DNER: variants seen among roughly 807,000 people sequenced by gnomAD.
The protein encoded by DNER is delta and Notch-like epidermal growth factor-related receptor.
DNER carries 33 observed loss-of-function variants against 78.2 expected under a neutral mutation model. The ratio of observed to expected loss-of-function variants is 0.42; its 90% confidence interval spans 0.32 to 0.56. DNER has a LOEUF of 0.56. DNER is among the 20% of genes least tolerant of loss of function. The pLI is 0.11. For synonymous variants in DNER, 417 were observed against 384.8 expected, an observed-to-expected ratio of 1.08 and a Z score of -0.98; for missense variants, 918 against 975.3, an observed-to-expected ratio of 0.94 and a Z score of 0.78.
chr2:229,700,394 G>T lies in DNER; in HGVS notation c.276+13754C>A, dbSNP rs535883241. On this transcript the variant is annotated intron_variant, in intron 1 of 12. Coordinates refer to ENST00000341772, the MANE Select transcript of DNER (RefSeq NM_139072.4). ...TCTGTCATCCAGGCTGGAGTGCAGT[G>T]GTGTGATCTCGGCTCACTGCAACCT... Among the ~76,000 whole-genome samples, 100 of 150,196 alleles carry T rather than the reference G, an allele frequency of 6.7e-4. 1 individual carries two copies. Among genetic ancestry groups the T allele is most frequent in the Non-Finnish European group, 6.2e-4 (42 of 67,736 alleles).
intron 1 of DNER, among the ~76,000 whole-genome samples, chr2:229,641,686 G>A (rs1698627650): frequency 6.6e-6 from 1 of 151,566 alleles, no homozygotes; most frequent in Non-Finnish European, 1.5e-5. Flanking sequence ...AATGAAGCAG[G>A]TAGATATATG....
At chr2:229,685,892 G>A (rs1699474685) in intron 1 of DNER, among the ~76,000 whole-genome samples, 1 of 152,116 alleles carries the variant, frequency 6.6e-6, no homozygotes, top group Admixed American at 6.5e-5. Context: ...GTCAGTGTGA[G>A]GCATCGGAGG....
intron 8 of DNER, among the ~76,000 whole-genome samples, chr2:229,435,034 A>G (rs1240335408): frequency 6.6e-6 from 1 of 152,096 alleles, no homozygotes; most frequent in Non-Finnish European, 1.5e-5. Context: ...AAAAATAGCT[A>G]CAAGTTCTGT....
intron 6 of DNER, among the ~76,000 whole-genome samples, chr2:229,511,287 A>G (rs1009025181): frequency 6.6e-6 from 1 of 152,216 alleles, no homozygotes. Context: ...ACATTATTTT[A>G]TAACAAAATA....
chr2:229,654,087 G>C (rs988640135), intron 1 of DNER, among the ~76,000 whole-genome samples: 6 of 151,374 alleles, frequency 4.0e-5, no homozygotes, highest in Non-Finnish European at 7.4e-5. Context: ...ATTTACATTA[G>C]GTATATCTCC....
intron 1 of DNER, among the ~76,000 whole-genome samples, chr2:229,625,214 T>C (rs1288164365): frequency 3.9e-5 from 6 of 152,012 alleles, no homozygotes; most frequent in Admixed American, 3.9e-4. Flanking sequence ...TCTCTTGTAT[T>C]TTACAATGTA....
At chr2:229,394,317 G>T (rs1355077582) in intron 10 of DNER, among the ~76,000 whole-genome samples, 1 of 151,800 alleles carries the variant, frequency 6.6e-6, no homozygotes, top group East Asian at 1.9e-4. Context: ...GGGTCCGAAG[G>T]GTAATGGTGT....
chr2:229,512,572 G>A (rs1351857172), intron 6 of DNER, among the ~76,000 whole-genome samples: 1 of 152,088 alleles, frequency 6.6e-6, no homozygotes, highest in Non-Finnish European at 1.5e-5. Flanking sequence ...AGGGGGAAGG[G>A]TGACAAGGGG....
intron 1 of DNER, among the ~76,000 whole-genome samples, chr2:229,631,489 A>G (rs1698433410): frequency 6.6e-6 from 1 of 152,230 alleles, no homozygotes; most frequent in Admixed American, 6.5e-5. Context: ...CACATTGCTG[A>G]TGGAGCTTTC....
Position 229,599,437 on chromosome 2 carries a change from A to T in DNER, c.277-7549T>A, listed in dbSNP as rs543766774. On this transcript the variant is annotated intron_variant, in intron 1 of 12. Transcript: ENST00000341772. ...TACTTTTGACACCTTGAATTGGATA[A>T]TTTTTTTTATCACTGGGGGCTCCCC... Among the ~76,000 whole-genome samples the T allele has an allele frequency of 9.7e-4, 147 of 151,700 alleles. 1 individual carries two copies. The highest frequency in any genetic ancestry group is 8.7e-3 in the Admixed American group (132 of 15,258).
chr2:229,677,822 T>A (rs1334503746), intron 1 of DNER, among the ~76,000 whole-genome samples: 1 of 152,218 alleles, frequency 6.6e-6, no homozygotes, highest in African/African-American at 2.4e-5. Flanking sequence ...AATGGATAGC[T>A]AGGTGCCCAT....
intron 1 of DNER, among the ~76,000 whole-genome samples, chr2:229,595,267 G>A (rs1423372021): frequency 1.2e-4 from 18 of 151,480 alleles, no homozygotes. Context: ...CCAGAATAAA[G>A]GCCAAAGTAT....
At chr2:229,578,933 T>C (rs533514883) in intron 4 of DNER, among the ~76,000 whole-genome samples, 13 of 152,294 alleles carry the variant, frequency 8.5e-5, no homozygotes, top group Admixed American at 3.9e-4. Flanking sequence ...AGAAATATCA[T>C]CCACATCTTG....
At chr2:229,374,535 T>A (rs1238173339) in intron 11 of DNER, among the ~76,000 whole-genome samples, 2 of 152,228 alleles carry the variant, frequency 1.3e-5, no homozygotes, top group African/African-American at 4.8e-5. Flanking sequence ...TGCTGGACAC[T>A]AAGTGTTAAG....
intron 7 of DNER, among the ~76,000 whole-genome samples, chr2:229,459,346 A>G (rs1037861444): frequency 2.0e-5 from 3 of 152,148 alleles, no homozygotes; most frequent in Middle Eastern, 3.2e-3. Flanking sequence ...AAAAATGGAA[A>G]TAATAGAATA....
rs13397949 is a variant in DNER at position 229,360,468 on chromosome 2, T to G, written c.2103-1817A>C. Among the ~76,000 whole-genome samples the G allele has an allele frequency of 5.9e-3, 901 of 152,330 alleles. 9 individuals are homozygous for G. Among genetic ancestry groups the G allele is most frequent in the Non-Finnish European group, 6.1e-3 (416 of 68,036 alleles). ...CACTGTTGCCCAGGCTGGAGTGCAG[T>G]GGCGTGGTCTCGGCTCACGCGGCAA... On this transcript the variant is annotated intron_variant, in intron 12 of 12. Transcript: ENST00000341772.
At chr2:229,518,530 A>T (rs1696026890) in intron 5 of DNER, among the ~76,000 whole-genome samples, 1 of 152,256 alleles carries the variant, frequency 6.6e-6, no homozygotes, top group Non-Finnish European at 1.5e-5. Flanking sequence ...CTTTTATCTC[A>T]ATCAAAGTCT....
At chr2:229,453,744 T>C (rs144279206) in intron 7 of DNER, among the ~76,000 whole-genome samples, 2 of 152,178 alleles carry the variant, frequency 1.3e-5, no homozygotes, top group African/African-American at 4.8e-5. Context: ...GATCAGGGAA[T>C]GTAACTTACA....
At chr2:229,687,578 T>G (rs376446043) in intron 1 of DNER, among the ~76,000 whole-genome samples, 1 of 152,306 alleles carries the variant, frequency 6.6e-6, no homozygotes, top group Non-Finnish European at 1.5e-5. Context: ...AATTTCCAAC[T>G]TCTTTCTAAG....
Sources: gnomAD v4.1 joint callset for allele counts (sites outside exome capture counted in the v4.1 genomes callset) on GRCh38, gnomAD v4.1.1 for gene constraint, MANE v1.5 for transcripts, NCBI Gene and HGNC (gene_info 2026-07-23, HGNC 2026-07-21) for gene names.